PPFIA2: variants seen among roughly 807,000 people sequenced by gnomAD.
PPFIA2 encodes the protein PPFI scaffold protein A2.
In PPFIA2, 46 loss-of-function variants were observed where a neutral mutation model predicts 175.5. The ratio of observed to expected loss-of-function variants is 0.26; its 90% CI spans 0.21 to 0.34. PPFIA2 has a LOEUF of 0.34. PPFIA2 is among the 10% of genes least tolerant of loss of function. The pLI, the probability that PPFIA2 is intolerant of heterozygous loss-of-function variation, is 1.00. For missense variants in PPFIA2, 1,179 were observed against 1,506.1 expected (o/e 0.78, Z 3.60); for synonymous variants, 568 against 511.4 (o/e 1.11, Z -1.49).
chr12:81,368,943 AT>A, intron 12 of PPFIA2, 87 bp from the exon 13 acceptor site: 1 of 1,446,934 alleles, frequency 6.9e-7, no homozygotes, highest in South Asian at 1.3e-5. Context: ...ATTGAATTTA[AT>A]TTTACATCTG....
At chr12:81,537,285 T>G (rs2065540850) in intron 4 of PPFIA2, among the ~76,000 whole-genome samples, 1 of 151,796 alleles carries the variant, frequency 6.6e-6, no homozygotes, top group African/African-American at 2.4e-5. Flanking sequence ...ACTTTTCCCA[T>G]TATCTCACAA....
chr12:81,452,780 G>A (rs2052845481), intron 5 of PPFIA2, among the ~76,000 whole-genome samples: 1 of 151,996 alleles, frequency 6.6e-6, no homozygotes, highest in Admixed American at 6.6e-5. Context: ...GTGTCTAATT[G>A]TATCTCAATA....
chr12:81,340,664 C>T (rs1243024000), intron 20 of PPFIA2, among the ~76,000 whole-genome samples: 1 of 152,058 alleles, frequency 6.6e-6, no homozygotes, highest in Non-Finnish European at 1.5e-5. Flanking sequence ...GATGCACATA[C>T]CTGTCTGCTA....
intron 9 of PPFIA2, chr12:81,377,996 G>C (rs1275406335): frequency 1.3e-5 from 2 of 152,216 alleles, no homozygotes; most frequent in Non-Finnish European, 2.9e-5. Flanking sequence ...ACAAGGAGGG[G>C]ATTTGGGGAC....
chr12:81,329,355 C>T lies in PPFIA2; in HGVS notation c.2549-3485G>A. Among the ~76,000 whole-genome samples the T allele has an allele frequency of 2.0e-5, 3 of 152,288 alleles. No individual in the cohort carries two copies. In the South Asian group the frequency reaches 6.2e-4, roughly 32 times the overall value. ...AGTGGTTGGGCATGAGCAAGGCAGC[C>T]TTCTTGCCCTCAAAGTTTTCTTGGC... On this transcript the variant is annotated intron_variant, in intron 21 of 32. Coordinates refer to ENST00000549396, the MANE Select transcript of PPFIA2 (RefSeq NM_003625.5).
intron 16 of PPFIA2, among the ~76,000 whole-genome samples, chr12:81,357,700 G>A (rs1395768112): frequency 3.3e-5 from 5 of 152,206 alleles, no homozygotes; most frequent in Admixed American, 2.6e-4. Context: ...TGGCAATGTA[G>A]CATAATAGTT....
intron 4 of PPFIA2, among the ~76,000 whole-genome samples, chr12:81,606,853 T>C (rs1475553550): frequency 6.6e-6 from 1 of 152,236 alleles, no homozygotes; most frequent in South Asian, 2.1e-4. Flanking sequence ...TTTGTTGTAG[T>C]TGCTTTTGGG....
intron 24 of PPFIA2, among the ~76,000 whole-genome samples, chr12:81,290,593 G>T (rs1443763532): frequency 6.6e-6 from 1 of 151,602 alleles, no homozygotes; most frequent in Admixed American, 6.6e-5. Context: ...TAATAATAAA[G>T]ATAAGTTGGG....
chr12:81,661,344 A>T (rs973076793), intron 4 of PPFIA2, among the ~76,000 whole-genome samples: 3 of 152,214 alleles, frequency 2.0e-5, no homozygotes, highest in African/African-American at 7.2e-5. Context: ...AAATAAAGGG[A>T]TGGAGGAAGA....
intron 29 of PPFIA2, 89 bp downstream of exon 29, chr12:81,267,823 C>A: frequency 8.8e-7 from 1 of 1,132,216 alleles, no homozygotes; most frequent in Non-Finnish European, 1.2e-6. Flanking sequence ...CATTAACAAT[C>A]ATGAATACAC....
intron 17 of PPFIA2, among the ~76,000 whole-genome samples, chr12:81,351,360 C>T (rs1375838835): frequency 6.6e-6 from 1 of 151,654 alleles, no homozygotes; most frequent in East Asian, 1.9e-4. Context: ...GAATTTGGTC[C>T]CCATTTACTT....
At chr12:81,567,296 G>C (rs993157648) in intron 4 of PPFIA2, among the ~76,000 whole-genome samples, 1 of 152,174 alleles carries the variant, frequency 6.6e-6, no homozygotes, top group Non-Finnish European at 1.5e-5. Flanking sequence ...TGATCCACCT[G>C]CCTCGGCTTC....
intron 15 of PPFIA2, among the ~76,000 whole-genome samples, chr12:81,361,429 G>A (rs2030268707): frequency 6.6e-6 from 1 of 151,514 alleles, no homozygotes; most frequent in South Asian, 2.1e-4. Flanking sequence ...TCTTAAAAAT[G>A]TGAAAAATAA....
At chr12:81,475,373 GA>G in intron 4 of PPFIA2, among the ~76,000 whole-genome samples, 1 of 152,122 alleles carries the variant, frequency 6.6e-6, no homozygotes, top group Non-Finnish European at 1.5e-5. Context: ...ATTGGTGAAT[GA>G]ATCTTAAAAC....
intron 4 of PPFIA2, among the ~76,000 whole-genome samples, chr12:81,533,147 T>C (rs2064837511): frequency 6.6e-6 from 1 of 151,680 alleles, no homozygotes; most frequent in Non-Finnish European, 1.5e-5. Context: ...TTTAATAAAA[T>C]GAAATGTTTA....
At chr12:81,532,745 A>G (rs1040025742) in intron 4 of PPFIA2, among the ~76,000 whole-genome samples, 2 of 151,610 alleles carry the variant, frequency 1.3e-5, no homozygotes, top group African/African-American at 2.4e-5. Flanking sequence ...ATTTATCCTG[A>G]TTCCCATTTT....
intron 32 of PPFIA2, 70 bp downstream of exon 32, chr12:81,261,879 T>G: frequency 9.8e-7 from 1 of 1,020,264 alleles, no homozygotes; most frequent in Non-Finnish European, 1.4e-6. Flanking sequence ...GTATAGTGTA[T>G]ATTTATTAGT....
intron 22 of PPFIA2, among the ~76,000 whole-genome samples, chr12:81,324,355 G>T (rs2054302606): frequency 6.6e-6 from 1 of 152,022 alleles, no homozygotes; most frequent in Admixed American, 6.6e-5. Context: ...AACTAATGAA[G>T]TATGCAATGC....
intron 16 of PPFIA2, among the ~76,000 whole-genome samples, chr12:81,354,890 G>A (rs555807215): frequency 3.3e-5 from 5 of 152,194 alleles, no homozygotes; most frequent in South Asian, 2.1e-4. Context: ...GTGATCACCT[G>A]CCTCAGCCTC....
Sources: allele counts gnomAD v4.1 joint callset (sites outside exome capture counted in the v4.1 genomes callset), GRCh38; gene constraint gnomAD v4.1.1; transcripts MANE v1.5; gene names NCBI Gene and HGNC (gene_info 2026-07-23, HGNC 2026-07-21).